Variants in XRN2 observed in about 807,000 individuals in gnomAD.
The protein encoded by XRN2 is DHM1-like protein.
A neutral mutation model predicts 138.5 loss-of-function variants in XRN2; 44 were observed. The ratio of observed to expected loss-of-function variants is 0.32; its 90% confidence interval spans 0.25 to 0.41. The LOEUF (loss-of-function observed/expected upper bound fraction) is 0.41. Among genes scored for constraint, XRN2 ranks in the 10% least tolerant of loss-of-function variants. The pLI, the probability that XRN2 is intolerant of heterozygous loss-of-function variation, is 1.00. For synonymous variants in XRN2, 354 were observed against 369.4 expected, an observed-to-expected ratio of 0.96 and a Z score of 0.48; for missense variants, 937 against 1,169.3, an observed-to-expected ratio of 0.80 and a Z score of 2.90.
intron 15 of XRN2, among the ~76,000 whole-genome samples, chr20:21,343,613 T>G (rs1344504409): frequency 6.7e-6 from 1 of 150,296 alleles, no homozygotes; most frequent in African/African-American, 2.4e-5. Context: ...TACATCTATA[T>G]TATTATATAT....
intron 27 of XRN2, among the ~76,000 whole-genome samples, chr20:21,371,225 G>A (rs188710850): frequency 3.3e-5 from 5 of 152,324 alleles, no homozygotes; most frequent in Non-Finnish European, 7.4e-5. Flanking sequence ...CACACCAGAA[G>A]TCCAGATTTT....
intron 14 of XRN2, 111 bp downstream of exon 14, chr20:21,339,199 CG>C: frequency 9.6e-7 from 1 of 1,040,614 alleles, no homozygotes; most frequent in East Asian, 2.5e-5. Context: ...TAGTCAGGGA[CG>C]TAAGTGTCCA....
In XRN2 at chr20:21,386,885, C is replaced by G. The variant is rs746866899; in HGVS notation, c.2666C>G (p.Pro889Arg). The G allele has an allele frequency of 2.5e-6, 4 of 1,613,504 alleles. No homozygotes were observed. The South Asian group carries it at 4.4e-5, about 18-fold the overall frequency. The change falls in exon 29 of 30, where the codon CCT becomes CGT. Residue 889 changes from proline (P) to arginine (R), a missense_variant. Coordinates refer to ENST00000377191, the MANE Select transcript of XRN2 (RefSeq NM_012255.5). ...TCCTACAGAGGCGTTGGGGCTGAACCTCTGCTCCCATGGAACCGGATGCTG... is the reference window on the plus strand; with the variant it reads ...TCCTACAGAGGCGTTGGGGCTGAACGTCTGCTCCCATGGAACCGGATGCTG... ...QRFDRGVGAE[P>R]LLPWNRMLQT... is the part of the protein sequence containing the mutation.
At chr20:21,348,842 ACCTTGTTAGCCAGGATGGTCTTGATCT>A (rs1220777509) in intron 19 of XRN2, among the ~76,000 whole-genome samples, 2 of 151,990 alleles carry the variant, frequency 1.3e-5, no homozygotes, top group African/African-American at 4.8e-5. Flanking sequence ...ATGGGGTTTC[ACCTTGTTAGCCAGGATGGTCTTGATCT>A]CGTGACCTCG....
At chr20:21,366,822 G>C (rs1377260938) in intron 26 of XRN2, among the ~76,000 whole-genome samples, 1 of 152,090 alleles carries the variant, frequency 6.6e-6, no homozygotes, top group Non-Finnish European at 1.5e-5. Flanking sequence ...ATACTGCTCT[G>C]CTTTTCTTCA....
At chr20:21,352,324 A>G (rs2038519738) in intron 20 of XRN2, among the ~76,000 whole-genome samples, 1 of 151,866 alleles carries the variant, frequency 6.6e-6, no homozygotes, top group South Asian at 2.1e-4. Flanking sequence ...TATCAACATT[A>G]TATGTAATTT....
At chr20:21,353,073 G>A (rs941529225) in intron 20 of XRN2, among the ~76,000 whole-genome samples, 1 of 149,798 alleles carries the variant, frequency 6.7e-6, no homozygotes, top group African/African-American at 2.5e-5. Context: ...TTAACTGATT[G>A]GATTTAGCTT....
intron 9 of XRN2, among the ~76,000 whole-genome samples, chr20:21,333,218 T>C (rs1347485057): frequency 6.6e-6 from 1 of 152,220 alleles, no homozygotes; most frequent in East Asian, 1.9e-4. Flanking sequence ...GTTTGGCCTG[T>C]GAGCTATGTT....
chr20:21,353,223 G>GATATATATATAT (rs869071652), intron 20 of XRN2, among the ~76,000 whole-genome samples: 10 of 113,840 alleles, frequency 8.8e-5, no homozygotes, highest in African/African-American at 2.9e-4. Context: ...TAGTGGGTAG[G>GATATATATATAT]ATATATATAT....
At chr20:21,351,654 C>G (rs2038511508) in intron 20 of XRN2, among the ~76,000 whole-genome samples, 1 of 152,158 alleles carries the variant, frequency 6.6e-6, no homozygotes, top group African/African-American at 2.4e-5. Flanking sequence ...TCCAAGAAAT[C>G]TTTACCAAAT....
chr20:21,303,699 G>A, intron 1 of XRN2: 2 of 1,280,844 alleles, frequency 1.6e-6, no homozygotes, highest in South Asian at 2.5e-5. Context: ...AGGGCCTATA[G>A]GGTTCCGAAC....
At chr20:21,370,486 A>C (rs1277807409) in intron 27 of XRN2, among the ~76,000 whole-genome samples, 2 of 152,258 alleles carry the variant, frequency 1.3e-5, no homozygotes, top group Non-Finnish European at 2.9e-5. Context: ...TAATACAAGT[A>C]TAATTAAATC....
chr20:21,363,895 A>G (rs924615404), intron 24 of XRN2, among the ~76,000 whole-genome samples: 3 of 152,190 alleles, frequency 2.0e-5, no homozygotes, highest in African/African-American at 7.2e-5. Context: ...TGTTGTATAT[A>G]TGTTTCCCAT....
intron 1 of XRN2, among the ~76,000 whole-genome samples, chr20:21,309,090 C>G (rs528885478): frequency 6.6e-6 from 1 of 150,562 alleles, no homozygotes; most frequent in Non-Finnish European, 1.5e-5. Context: ...CTAAAGTTTT[C>G]TTGAGAATTC....
chr20:21,382,825 A>G (rs1355754200), intron 28 of XRN2, among the ~76,000 whole-genome samples: 4 of 152,254 alleles, frequency 2.6e-5, no homozygotes, highest in Non-Finnish European at 4.4e-5. Context: ...AATAATTTTT[A>G]AAGGCCAGCT....
chr20:21,383,601 C>T (rs566864689), intron 28 of XRN2, among the ~76,000 whole-genome samples: 38 of 152,244 alleles, frequency 2.5e-4, no homozygotes, highest in African/African-American at 7.9e-4. Context: ...TTACTCTGAG[C>T]GTAATATAAA....
At chr20:21,368,338 G>T (rs1009979476) in intron 26 of XRN2, 125 bp from the exon 27 acceptor site, 70 of 1,173,642 alleles carry the variant, frequency 6.0e-5, no homozygotes, top group African/African-American at 7.8e-5. Flanking sequence ...CTTTTTGTTT[G>T]TATTATCTTA....
intron 27 of XRN2, among the ~76,000 whole-genome samples, chr20:21,381,638 C>T (rs1326814940): frequency 6.6e-6 from 1 of 152,038 alleles, no homozygotes. Context: ...AGAACTAAAC[C>T]TTTCCTTTTC....
rs1330511011 is a variant in XRN2, at chr20:21,348,229, T to C, written c.1749T>C (p.Ser583=). Reference sequence around the variant, plus strand: ...TTGAAGGCATTGCAGACATGCCATCTGATTTTGAGAAGGGTACGAAACCGG... The same window carrying C: ...TTGAAGGCATTGCAGACATGCCATCCGATTTTGAGAAGGGTACGAAACCGG... The part of the protein sequence containing the change: ...SDFEGIADMP[S]DFEKGTKPFK... The change falls in exon 18 of 30, where the codon TCT becomes TCC. Residue 583 remains serine (S), a synonymous_variant. Transcript: ENST00000377191. 1 of 1,613,912 alleles carries C rather than the reference T, an allele frequency of 6.2e-7. No homozygotes were observed. The highest frequency in any genetic ancestry group is 2.2e-5 in the East Asian group (1 of 44,880).
Sources: allele counts gnomAD v4.1 joint callset (sites outside exome capture counted in the v4.1 genomes callset), GRCh38; gene constraint gnomAD v4.1.1; transcripts MANE v1.5; gene names NCBI Gene and HGNC (gene_info 2026-07-23, HGNC 2026-07-21).